HDAC9: variants seen among roughly 807,000 people sequenced by gnomAD.
The protein encoded by HDAC9 is histone deacetylase 9.
In HDAC9, 41 loss-of-function variants were observed where a neutral mutation model predicts 139.4. That is an observed-to-expected ratio of 0.29 (90% CI 0.23 to 0.38). HDAC9 has a LOEUF of 0.38. Ranked by LOEUF, HDAC9 falls within the 10% of genes least tolerant of loss-of-function variation. HDAC9 has a pLI of 1.00. For synonymous variants in HDAC9, 517 were observed against 476.2 expected (o/e 1.09, Z -1.12); for missense variants, 1,147 against 1,297.0 (o/e 0.88, Z 1.78).
intron 14 of HDAC9, among the ~76,000 whole-genome samples, chr7:18,758,147 C>T (rs1439755671): frequency 6.6e-6 from 1 of 152,124 alleles, no homozygotes; most frequent in African/African-American, 2.4e-5. Flanking sequence ...GGTTTCATTC[C>T]TAGGCCTGTG....
intron 17 of HDAC9, among the ~76,000 whole-genome samples, chr7:18,798,548 GGGAGTGGATAAT>G (rs1793004407): frequency 6.6e-6 from 1 of 152,132 alleles, no homozygotes; most frequent in Admixed American, 6.6e-5. Context: ...GGGGAGATAA[GGGAGTGGATAAT>G]GGAATTGGAA....
chr7:18,593,774 A>G, intron 5 of HDAC9, 134 bp from the exon 6 acceptor site: 8 of 854,800 alleles, frequency 9.4e-6, no homozygotes, highest in East Asian at 4.9e-5. Flanking sequence ...ATGTGAGGCT[A>G]TGGTTTGTAT....
At chr7:18,278,547 C>T (rs1796893965) in intron 2 of HDAC9, among the ~76,000 whole-genome samples, 1 of 152,048 alleles carries the variant, frequency 6.6e-6, no homozygotes, top group Non-Finnish European at 1.5e-5. Context: ...CAGACTTTTC[C>T]CTAGAACTTC....
intron 9 of HDAC9, among the ~76,000 whole-genome samples, chr7:18,647,566 T>C (rs1787833955): frequency 6.6e-6 from 1 of 152,218 alleles, no homozygotes; most frequent in Non-Finnish European, 1.5e-5. Context: ...TTCAATACAA[T>C]GACAATATTA....
intron 22 of HDAC9, among the ~76,000 whole-genome samples, chr7:18,879,573 A>G (rs1220011150): frequency 6.6e-6 from 1 of 152,194 alleles, no homozygotes; most frequent in Non-Finnish European, 1.5e-5. Context: ...AAGACTCCCT[A>G]TTCAATAAAT....
At chr7:18,196,776 T>A (rs1245759131) in intron 2 of HDAC9, among the ~76,000 whole-genome samples, 5 of 152,036 alleles carry the variant, frequency 3.3e-5, no homozygotes, top group African/African-American at 1.2e-4. Flanking sequence ...GCTGAGTTGT[T>A]TTACATCATA....
intron 6 of HDAC9, among the ~76,000 whole-genome samples, chr7:18,594,517 G>A (rs1329000914): frequency 6.6e-6 from 1 of 152,022 alleles, no homozygotes; most frequent in Non-Finnish European, 1.5e-5. Context: ...TTCTGAGTAA[G>A]TGACTAGCCT....
At chr7:18,795,724 C>T (rs933920828) in intron 17 of HDAC9, among the ~76,000 whole-genome samples, 2 of 152,170 alleles carry the variant, frequency 1.3e-5, no homozygotes, top group African/African-American at 4.8e-5. Flanking sequence ...AAAAGTAGAA[C>T]TCACAAATGA....
intron 2 of HDAC9, among the ~76,000 whole-genome samples, chr7:18,577,706 TAAAG>T (rs1826426855): frequency 6.6e-6 from 1 of 151,734 alleles, no homozygotes; most frequent in African/African-American, 2.4e-5. Context: ...ATTAAGTTGA[TAAAG>T]AAGGAAGACA....
intron 14 of HDAC9, among the ~76,000 whole-genome samples, chr7:18,751,418 A>G (rs965341981): frequency 6.6e-6 from 1 of 152,144 alleles, no homozygotes. Flanking sequence ...ACTTTTCCTA[A>G]CATAGTTTGA....
At chr7:18,375,175 A>G (rs1784893948) in intron 1 of HDAC9, among the ~76,000 whole-genome samples, 1 of 152,244 alleles carries the variant, frequency 6.6e-6, no homozygotes, top group Non-Finnish European at 1.5e-5. Context: ...TGGGATAATA[A>G]ATAAGATAAC....
rs189970246 is a variant in HDAC9 at position 18,093,315 on chromosome 7, C to G, written c.-97+6102C>G. ...CAGGTCTGATTCCAGAGCCTGAAGTCTTGTAGTACACATCCCATACTCACA... is the reference window on the plus strand; with the variant it reads ...CAGGTCTGATTCCAGAGCCTGAAGTGTTGTAGTACACATCCCATACTCACA... On this transcript the variant is annotated intron_variant, in intron 1 of 12. Transcript: ENST00000417496. 9.9e-5 allele frequency among the ~76,000 whole-genome samples: 15 copies of G among 152,254 alleles called. No individual in the cohort carries two copies. In the East Asian group the frequency reaches 2.9e-3, roughly 29 times the overall value.
In HDAC9 at chr7:18,792,924, C is replaced by T. The variant is rs1050723218; in HGVS notation, c.2215-421C>T. ...AGGTATTTGAATTTTCCCCCTCTAGCACTTGCAAATCCGATTTTTATGTAT... is the reference window on the plus strand; with the variant it reads ...AGGTATTTGAATTTTCCCCCTCTAGTACTTGCAAATCCGATTTTTATGTAT... On this transcript the variant is annotated intron_variant, in intron 16 of 25. Coordinates refer to ENST00000686413, the MANE Select transcript of HDAC9 (RefSeq NM_178425.4). 2.0e-5 allele frequency among the ~76,000 whole-genome samples: 3 copies of T among 152,156 alleles called. No homozygotes were observed. In the East Asian group the frequency reaches 5.8e-4, roughly 29 times the overall value.
chr7:18,289,809 C>A (rs892107246), upstream of HDAC9, among the ~76,000 whole-genome samples: 1 of 152,118 alleles, frequency 6.6e-6, no homozygotes, highest in Non-Finnish European at 1.5e-5. Context: ...TCTCATTCAC[C>A]GCAGGCCTTT....
At chr7:18,896,577 C>G (rs539370766) in intron 22 of HDAC9, among the ~76,000 whole-genome samples, 2 of 152,112 alleles carry the variant, frequency 1.3e-5, no homozygotes, top group Non-Finnish European at 2.9e-5. Flanking sequence ...CTGCCCAGAC[C>G]CCATTAAGTG....
chr7:18,653,778 C>A lies in HDAC9; in HGVS notation c.1467+5095C>A, dbSNP rs570118537. Reference sequence around the variant, plus strand: ...TGGATCTGAGCAAATGGAGAGCTTTCATTAGCTTTTGGAAGAGAATTTGAC... The same window carrying A: ...TGGATCTGAGCAAATGGAGAGCTTTAATTAGCTTTTGGAAGAGAATTTGAC... On this transcript the variant is annotated intron_variant, in intron 11 of 25. Coordinates refer to ENST00000686413, the MANE Select transcript of HDAC9 (RefSeq NM_178425.4). 1.9e-4 allele frequency among the ~76,000 whole-genome samples: 29 copies of A among 152,224 alleles called. 1 individual carries two copies. The highest frequency in any genetic ancestry group is 2.6e-4 in the Non-Finnish European group (18 of 68,018).
chr7:18,708,921 C>T (rs1319698554), intron 12 of HDAC9, among the ~76,000 whole-genome samples: 3 of 152,026 alleles, frequency 2.0e-5, no homozygotes, highest in Non-Finnish European at 4.4e-5. Flanking sequence ...CACACACACC[C>T]ACACACATGC....
chr7:18,223,416 A>G (rs1475884775), intron 2 of HDAC9, among the ~76,000 whole-genome samples: 1 of 150,892 alleles, frequency 6.6e-6, no homozygotes, highest in Non-Finnish European at 1.5e-5. Flanking sequence ...TTGGATGCCA[A>G]GGCACTTTAT....
chr7:18,929,933 C>A (rs1419966859), intron 22 of HDAC9, among the ~76,000 whole-genome samples: 1 of 143,386 alleles, frequency 7.0e-6, no homozygotes, highest in Non-Finnish European at 1.6e-5. Flanking sequence ...AGCAAGACGC[C>A]GCCTCAAAAA....
Sources: allele counts gnomAD v4.1 joint callset (sites outside exome capture counted in the v4.1 genomes callset), GRCh38; gene constraint gnomAD v4.1.1; transcripts MANE v1.5; gene names NCBI Gene and HGNC (gene_info 2026-07-23, HGNC 2026-07-21).